The following FRMD4A variants were observed in gnomAD, a reference collection of about 807,000 sequenced individuals.
FRMD4A encodes the protein FERM domain-containing protein 4A.
FRMD4A carries 29 observed loss-of-function variants against 129.1 expected under a neutral mutation model. That is an observed-to-expected ratio of 0.22 (90% CI 0.17 to 0.31). The LOEUF is 0.31. FRMD4A is among the 10% of genes least tolerant of loss of function. The pLI is 1.00. For synonymous variants in FRMD4A, 634 were observed against 571.6 expected (o/e 1.11, Z -1.56); for missense variants, 1,272 against 1,375.8 (o/e 0.92, Z 1.19).
chr10:14,112,302 A>C (rs942628607), intron 2 of FRMD4A, among the ~76,000 whole-genome samples: 1 of 151,722 alleles, frequency 6.6e-6, no homozygotes. Context: ...TAACATGATT[A>C]ATGTGGCATT....
chr10:14,038,164 T>C (rs1312385536), intron 2 of FRMD4A, among the ~76,000 whole-genome samples: 2 of 151,792 alleles, frequency 1.3e-5, no homozygotes, highest in African/African-American at 2.4e-5. Context: ...CTAATAAAAA[T>C]ACAAAAAAAT....
rs550185529 is a variant in FRMD4A, at chr10:13,859,240, C to T, written c.46-328G>A. On this transcript the variant is annotated intron_variant, in intron 2 of 24. Coordinates refer to ENST00000357447, the MANE Select transcript of FRMD4A (RefSeq NM_018027.5). ...TCTCTACTAAAAATACAAAATTAGC[C>T]GGGCGTGGTGGTGCATACCTGTAAT... 7.4e-4 allele frequency among the ~76,000 whole-genome samples: 113 copies of T among 152,116 alleles called. 2 individuals carry two copies. The South Asian group carries it at 0.022, about 30-fold the overall frequency.
chr10:13,788,222 C>T (rs1243416974), intron 5 of FRMD4A, among the ~76,000 whole-genome samples: 1 of 152,172 alleles, frequency 6.6e-6, no homozygotes, highest in East Asian at 1.9e-4. Flanking sequence ...CCACCCCTCC[C>T]ACCACCTCTC....
rs113653889 is a variant in FRMD4A, at chr10:13,810,995, C to A, written c.112-87G>T. ...CAATCTCAGGTTTCCATAATTTTTT[C>A]AATGAAATGTCACAAAGCTCAAGTA... On this transcript the variant is annotated intron_variant, in intron 3 of 24. Transcript: ENST00000357447. 2.4e-4 allele frequency: 161 copies of A among 672,294 alleles called. 2 individuals carry two copies. Among genetic ancestry groups the A allele is most frequent in the African/African-American group, 2.3e-3 (125 of 54,798 alleles). The allele number at this position is 672,294 out of a possible 1,614,324, so 41.6% of individuals were successfully genotyped here. A position where few individuals can be genotyped will look rare whatever the true frequency, so the allele number is the denominator to read the frequency against.
chr10:13,741,382 T>C (rs1189526436), intron 9 of FRMD4A, among the ~76,000 whole-genome samples: 1 of 151,832 alleles, frequency 6.6e-6, no homozygotes, highest in African/African-American at 2.4e-5. Flanking sequence ...GCCCAGGAGG[T>C]CAAGGCTGCA....
At chr10:14,148,687 A>C (rs1426352865) in intron 2 of FRMD4A, among the ~76,000 whole-genome samples, 1 of 151,874 alleles carries the variant, frequency 6.6e-6, no homozygotes, top group African/African-American at 2.4e-5. Context: ...CCTTGAACCC[A>C]GGAGGTGGAG....
At chr10:13,658,529 A>G (rs1011090737) in intron 21 of FRMD4A, among the ~76,000 whole-genome samples, 5 of 152,212 alleles carry the variant, frequency 3.3e-5, no homozygotes, top group Non-Finnish European at 5.9e-5. Context: ...GCCACTCAGA[A>G]GGGGGATGAA....
At chr10:13,805,638 G>A (rs905284313) in intron 4 of FRMD4A, among the ~76,000 whole-genome samples, 3 of 151,980 alleles carry the variant, frequency 2.0e-5, no homozygotes, top group Admixed American at 6.6e-5. Context: ...TTCTGATAAC[G>A]GGATCTTCCA....
intron 5 of FRMD4A, among the ~76,000 whole-genome samples, chr10:13,789,815 G>A (rs988755859): frequency 5.0e-5 from 7 of 141,148 alleles, no homozygotes; most frequent in African/African-American, 1.9e-4. Flanking sequence ...TGTGTGGTGA[G>A]GGGAGTGGGA....
At chr10:13,693,844 C>T (rs769104120) in intron 15 of FRMD4A, 54 bp downstream of exon 15, 3 of 1,593,110 alleles carry the variant, frequency 1.9e-6, no homozygotes, top group Non-Finnish European at 8.6e-7. Context: ...CCTGGGTCCC[C>T]TCTGGGGTCC....
At chr10:13,892,492 T>A (rs969027374) in intron 2 of FRMD4A, among the ~76,000 whole-genome samples, 1 of 152,118 alleles carries the variant, frequency 6.6e-6, no homozygotes, top group African/African-American at 2.4e-5. Flanking sequence ...AAACAAACTC[T>A]GGGAAGATTC....
chr10:14,180,198 G>A (rs1841867000), intron 2 of FRMD4A, among the ~76,000 whole-genome samples: 1 of 152,174 alleles, frequency 6.6e-6, no homozygotes, highest in South Asian at 2.1e-4. Flanking sequence ...TCCAGGGCTT[G>A]AGCTAGATAC....
intron 2 of FRMD4A, among the ~76,000 whole-genome samples, chr10:14,272,007 T>C (rs1217774450): frequency 6.6e-6 from 1 of 152,136 alleles, no homozygotes; most frequent in African/African-American, 2.4e-5. Flanking sequence ...AATTTTTTGG[T>C]TCTTTTGCCC....
At chr10:13,866,513 A>T (rs894388685) in intron 2 of FRMD4A, among the ~76,000 whole-genome samples, 1 of 152,198 alleles carries the variant, frequency 6.6e-6, no homozygotes, top group Non-Finnish European at 1.5e-5. Context: ...GAAGACTCAA[A>T]GTCCAATCTA....
chr10:13,652,336 C>G (rs527986209), intron 23 of FRMD4A: 2 of 274,254 alleles, frequency 7.3e-6, no homozygotes, highest in African/African-American at 2.2e-5. Flanking sequence ...TGCATAGGAC[C>G]CTGAGGAGGG....
At chr10:14,135,334 C>G (rs896708071) in intron 2 of FRMD4A, among the ~76,000 whole-genome samples, 4 of 152,212 alleles carry the variant, frequency 2.6e-5, no homozygotes, top group Non-Finnish European at 5.9e-5. Flanking sequence ...CCTACTTCAA[C>G]CACTCGTTGA....
intron 2 of FRMD4A, among the ~76,000 whole-genome samples, chr10:14,034,861 C>A (rs1219510210): frequency 6.6e-6 from 1 of 152,204 alleles, no homozygotes; most frequent in Admixed American, 6.5e-5. Flanking sequence ...ACAACTACAA[C>A]CTTGGGGACA....
intron 3 of FRMD4A, among the ~76,000 whole-genome samples, chr10:13,857,943 T>C (rs187778667): frequency 6.6e-6 from 1 of 152,202 alleles, no homozygotes; most frequent in Non-Finnish European, 1.5e-5. Context: ...ATGATTCCAA[T>C]TACTTCTCCA....
chr10:13,837,538 G>T (rs1369483865), intron 3 of FRMD4A, among the ~76,000 whole-genome samples: 12 of 152,228 alleles, frequency 7.9e-5, no homozygotes, highest in Non-Finnish European at 2.9e-5. Context: ...AGATCACGGG[G>T]TCACATTTGC....
Sources: allele counts gnomAD v4.1 joint callset (sites outside exome capture counted in the v4.1 genomes callset), GRCh38; gene constraint gnomAD v4.1.1; transcripts MANE v1.5; gene names NCBI Gene and HGNC (gene_info 2026-07-23, HGNC 2026-07-21).